CPVL: variants seen among roughly 807,000 people sequenced by gnomAD.
CPVL encodes probable serine carboxypeptidase CPVL.
Under a neutral mutation model 63.7 loss-of-function variants are expected in CPVL, and 51 were observed. The observed-to-expected ratio is 0.80, with a 90% CI of 0.64 to 1.01. The LOEUF is 1.01. Ranked by LOEUF, CPVL falls within the 50% of genes least tolerant of loss-of-function variation. CPVL has a pLI of 0.00. For missense variants in CPVL, 530 were observed against 573.1 expected, an observed-to-expected ratio of 0.92 and a Z score of 0.77; for synonymous variants, 195 against 206.0, an observed-to-expected ratio of 0.95 and a Z score of 0.46.
chr7:29,147,205 G>A, upstream of CPVL: 2 of 529,832 alleles, frequency 3.8e-6, no homozygotes, highest in Non-Finnish European at 6.6e-6. Context: ...ACTAAAAAAG[G>A]CAAGGAGGTT....
At chr7:29,107,184 G>A (rs763914804) in intron 3 of CPVL, among the ~76,000 whole-genome samples, 1 of 152,210 alleles carries the variant, frequency 6.6e-6, no homozygotes, top group Non-Finnish European at 1.5e-5. Flanking sequence ...TAAGGTAGCC[G>A]TGGAAGTCAA....
At chr7:29,092,836 C>G (rs1243471960) in intron 5 of CPVL, 134 bp from the exon 6 acceptor site, 5 of 680,544 alleles carry the variant, frequency 7.3e-6, no homozygotes, top group African/African-American at 1.8e-5. Context: ...CCGTTGCCCC[C>G]CTATGCCTTT....
At chr7:29,057,804 G>A (rs576684784) in intron 11 of CPVL, among the ~76,000 whole-genome samples, 209 of 152,170 alleles carry the variant, frequency 1.4e-3, no homozygotes, top group Middle Eastern at 3.4e-3. Flanking sequence ...ATCAAAGATC[G>A]GTTGACTATA....
chr7:29,160,664 G>A (rs1795051226), intron 5 of CPVL, among the ~76,000 whole-genome samples: 1 of 152,160 alleles, frequency 6.6e-6, no homozygotes, highest in Non-Finnish European at 1.5e-5. Flanking sequence ...GTGGTGTGTT[G>A]TGAAAACGTG....
chr7:29,071,958 A>T, intron 8 of CPVL, 54 bp from the exon 9 acceptor site: 4 of 1,601,446 alleles, frequency 2.5e-6, no homozygotes, highest in Non-Finnish European at 3.4e-6. Flanking sequence ...AAGAGACCTT[A>T]AGGAAGCCCA....
At chr7:29,182,409 C>T (rs1279425235) in intron 4 of CPVL, among the ~76,000 whole-genome samples, 1 of 152,116 alleles carries the variant, frequency 6.6e-6, no homozygotes, top group African/African-American at 2.4e-5. Context: ...TAGAGTGTAG[C>T]AGAATAGGGC....
chr7:29,144,997 G>A (rs2687632), intron 1 of CPVL, among the ~76,000 whole-genome samples: 3,862 of 151,548 alleles, frequency 0.025, 103 homozygotes, highest in Middle Eastern at 0.075. Context: ...ACAACATCTG[G>A]TTAAGAACAC....
At chr7:29,016,726 G>T (rs183333972) in intron 12 of CPVL, among the ~76,000 whole-genome samples, 2 of 152,254 alleles carry the variant, frequency 1.3e-5, no homozygotes, top group East Asian at 3.9e-4. Context: ...GGCCATTGAG[G>T]AAGTGCCAGG....
rs377105816 is a variant in CPVL, at chr7:29,064,104, T to C, written c.1094A>G (p.Gln365Arg). The C allele has an allele frequency of 2.0e-5, 32 of 1,613,230 alleles. No homozygotes were observed. The African/African-American group carries it at 4.0e-4, about 20-fold the overall frequency. ...TTCAGTTAACCATGGCTTAACTGAC[T>C]GTACTGTATCTTCTCGCAAGTACTT... ...VEKYLREDTV[Q>R]SVKPWLTEIM... Residue 365 changes from glutamine (Q) to arginine (R), a missense_variant, in exon 11 of 13, where the codon CAG (glutamine) becomes CGG (arginine). Gln to Arg is a conservative substitution (Grantham distance 43). Transcript: ENST00000265394.
intron 11 of CPVL, among the ~76,000 whole-genome samples, chr7:29,034,633 G>A (rs192198661): frequency 5.0e-4 from 76 of 151,818 alleles, no homozygotes; most frequent in African/African-American, 1.8e-3. Flanking sequence ...TGTTCTCATC[G>A]TTTTTTACAA....
chr7:29,022,913 A>G (rs1156231748), intron 12 of CPVL, among the ~76,000 whole-genome samples: 1 of 152,224 alleles, frequency 6.6e-6, no homozygotes, highest in Non-Finnish European at 1.5e-5. Flanking sequence ...TTTCCCGCCA[A>G]TGCTGGAGCC....
chr7:29,084,014 C>A (rs1254752855), intron 7 of CPVL, among the ~76,000 whole-genome samples: 1 of 151,974 alleles, frequency 6.6e-6, no homozygotes, highest in East Asian at 1.9e-4. Context: ...ATTATTCGAC[C>A]TTCAGATTTA....
At chr7:29,191,276 A>G (rs1242376523) in intron 1 of CPVL, among the ~76,000 whole-genome samples, 1 of 152,218 alleles carries the variant, frequency 6.6e-6, no homozygotes, top group Non-Finnish European at 1.5e-5. Flanking sequence ...CAAAAGTACC[A>G]TTAAAATAAG....
intron 12 of CPVL, among the ~76,000 whole-genome samples, chr7:29,021,420 A>G (rs1443788626): frequency 6.6e-6 from 1 of 152,150 alleles, no homozygotes; most frequent in Non-Finnish European, 1.5e-5. Context: ...TGGCAAATAG[A>G]TAATTAGATG....
chr7:29,042,512 A>G (rs1010875771), intron 11 of CPVL, among the ~76,000 whole-genome samples: 1 of 152,208 alleles, frequency 6.6e-6, no homozygotes, highest in Non-Finnish European at 1.5e-5. Context: ...GGCTGAGGTG[A>G]GAGGGTCTTT....
intron 5 of CPVL, 30 bp downstream of exon 5, chr7:29,095,054 T>G: frequency 1.9e-6 from 3 of 1,578,694 alleles, no homozygotes; most frequent in Non-Finnish European, 2.6e-6. Flanking sequence ...ACGCCAGCAC[T>G]GACAGCTCAC....
At chr7:29,180,823 C>A (rs1035109486) in intron 5 of CPVL, among the ~76,000 whole-genome samples, 1 of 152,124 alleles carries the variant, frequency 6.6e-6, no homozygotes, top group Non-Finnish European at 1.5e-5. Context: ...GGACAAGACT[C>A]GTATCATCCG....
chr7:29,140,966 C>T (rs1037004563), intron 1 of CPVL, among the ~76,000 whole-genome samples: 1 of 152,188 alleles, frequency 6.6e-6, no homozygotes, highest in South Asian at 2.1e-4. Flanking sequence ...AGGAAGGTTG[C>T]ATGACCTTTG....
chr7:29,163,548 T>G lies in CPVL; in HGVS notation c.-11+17742A>C, dbSNP rs1795492736. ...TATTACCTAAGAGACAATATCCATT[T>G]TTTTTTACAATCTTATTAAGGTATA... On this transcript the variant is annotated intron_variant, in intron 5 of 16. Transcript: ENST00000409850. Among the ~76,000 whole-genome samples the G allele has an allele frequency of 3.3e-5, 5 of 152,314 alleles. No individual in the cohort carries two copies. The South Asian group carries it at 1.0e-3, about 32-fold the overall frequency.
Sources: allele counts gnomAD v4.1 joint callset (sites outside exome capture counted in the v4.1 genomes callset), GRCh38; gene constraint gnomAD v4.1.1; transcripts MANE v1.5; gene names NCBI Gene and HGNC (gene_info 2026-07-23, HGNC 2026-07-21).